ATP8B4: variants seen among roughly 807,000 people sequenced by gnomAD.
The protein encoded by ATP8B4 is ATPase phospholipid transporting 8B4 (putative).
ATP8B4 carries 133 observed loss-of-function variants against 145.6 expected under a neutral mutation model. That is an observed-to-expected ratio of 0.91 (90% CI 0.79 to 1.05). The LOEUF is 1.05. Ranked by LOEUF, ATP8B4 falls within the 50% of genes least tolerant of loss-of-function variation. The pLI is 0.00. For missense variants in ATP8B4, 1,458 were observed against 1,425.2 expected, an observed-to-expected ratio of 1.02 and a Z score of -0.37; for synonymous variants, 507 against 492.9, an observed-to-expected ratio of 1.03 and a Z score of -0.38.
chr15:49,963,231 C>T (rs1404501071), intron 13 of ATP8B4, among the ~76,000 whole-genome samples: 3 of 152,148 alleles, frequency 2.0e-5, no homozygotes, highest in African/African-American at 4.8e-5. Context: ...AACCACCTCA[C>T]GCCAGTCAGA....
At chr15:49,962,311 A>G (rs2044155074) in intron 13 of ATP8B4, among the ~76,000 whole-genome samples, 1 of 152,238 alleles carries the variant, frequency 6.6e-6, no homozygotes. Flanking sequence ...TTATTACATT[A>G]TCTATGATAT....
At chr15:49,879,350 G>A (rs1598863812) in intron 24 of ATP8B4, 26 bp downstream of exon 24, 10 of 1,575,830 alleles carry the variant, frequency 6.3e-6, no homozygotes, top group Non-Finnish European at 6.9e-6. Flanking sequence ...GAGAAACTAA[G>A]TTATAAAGAT....
intron 12 of ATP8B4, among the ~76,000 whole-genome samples, chr15:49,977,641 T>A (rs1470342687): frequency 1.3e-5 from 2 of 151,972 alleles, no homozygotes; most frequent in African/African-American, 4.8e-5. Flanking sequence ...TATAAAAGGC[T>A]AAAAAAAGAG....
chr15:50,070,489 T>C (rs904664703), intron 3 of ATP8B4, among the ~76,000 whole-genome samples: 107 of 152,198 alleles, frequency 7.0e-4, no homozygotes. Context: ...CACAGTTCAC[T>C]GCATGGCCAG....
At chr15:50,111,519 C>G (rs1306153893) in intron 1 of ATP8B4, among the ~76,000 whole-genome samples, 1 of 152,188 alleles carries the variant, frequency 6.6e-6, no homozygotes. Context: ...ACAAATGGCC[C>G]ACTCTGGCCA....
chr15:49,980,454 G>T (rs528960389), intron 11 of ATP8B4, among the ~76,000 whole-genome samples: 1 of 152,188 alleles, frequency 6.6e-6, no homozygotes, highest in Middle Eastern at 3.4e-3. Flanking sequence ...ACAAAGACTA[G>T]ATAGTATATC....
At chr15:49,884,395 G>C (rs1055713411) in intron 23 of ATP8B4, among the ~76,000 whole-genome samples, 2 of 152,004 alleles carry the variant, frequency 1.3e-5, no homozygotes, top group African/African-American at 2.4e-5. Context: ...GAGCTCAGGA[G>C]TTCAAGACCA....
chr15:50,036,625 C>T (rs1037234419), intron 6 of ATP8B4, among the ~76,000 whole-genome samples: 1 of 152,168 alleles, frequency 6.6e-6, no homozygotes, highest in Middle Eastern at 3.2e-3. Context: ...TGGGATTTAG[C>T]AAAATTTAAC....
At chr15:50,044,962 T>C (rs2051606014) in intron 4 of ATP8B4, among the ~76,000 whole-genome samples, 1 of 152,224 alleles carries the variant, frequency 6.6e-6, no homozygotes, top group African/African-American at 2.4e-5. Context: ...GATCACTTTC[T>C]CCAATATGTT....
chr15:49,907,986 C>A (rs1163356360), intron 20 of ATP8B4: 1 of 453,934 alleles, frequency 2.2e-6, no homozygotes, highest in East Asian at 7.0e-5. Context: ...CCTCTGGGAC[C>A]AAGCTGCCTA....
At chr15:50,043,112 G>A (rs1469021802) in intron 5 of ATP8B4, among the ~76,000 whole-genome samples, 1 of 152,208 alleles carries the variant, frequency 6.6e-6, no homozygotes, top group Non-Finnish European at 1.5e-5. Context: ...ATGGGTGTGA[G>A]CTCAGAGGAG....
At position 50,029,406 on chromosome 15, in the gene ATP8B4, T is replaced by A. The variant is rs552064745; in HGVS notation, c.362+9362A>T. On this transcript the variant is annotated intron_variant, in intron 6 of 27. Coordinates refer to ENST00000284509, the MANE Select transcript of ATP8B4 (RefSeq NM_024837.4). ...CCTAGCTTCTGATAGCTTCAAGCAT[T>A]CCTTGGCTTGGGGCTATGTAATTCC... Among the ~76,000 whole-genome samples the A allele has an allele frequency of 1.2e-3, 184 of 152,176 alleles. 2 individuals are homozygous for A. Among genetic ancestry groups the A allele is most frequent in the South Asian group, 1.0e-3 (5 of 4,812 alleles).
At chr15:49,885,482 C>T (rs1038657944) in intron 23 of ATP8B4, among the ~76,000 whole-genome samples, 29 of 152,224 alleles carry the variant, frequency 1.9e-4, no homozygotes, top group African/African-American at 6.5e-4. Flanking sequence ...ATTTTAATGC[C>T]CAGAGCAGGA....
chr15:50,086,653 AAAT>A (rs1480196986), intron 2 of ATP8B4, among the ~76,000 whole-genome samples: 5 of 113,698 alleles, frequency 4.4e-5, no homozygotes, highest in East Asian at 2.4e-4. Flanking sequence ...ATATATAATA[AAAT>A]AATAGAGATC....
At chr15:50,069,352 C>T (rs2153630641) in intron 3 of ATP8B4, among the ~76,000 whole-genome samples, 1 of 152,216 alleles carries the variant, frequency 6.6e-6, no homozygotes, top group South Asian at 2.1e-4. Context: ...GTGCGATGTC[C>T]TATAATGTGA....
At position 50,042,548 on chromosome 15, in the gene ATP8B4, C is replaced by G. The variant is rs1273057956; in HGVS notation, c.300+2046G>C. ...CTAGCTACTGAAGTTCATCTTCCCC[C>G]CTTAAAGAACCAAAGCACTTTGGTT... On this transcript the variant is annotated intron_variant, in intron 5 of 27. Coordinates refer to ENST00000284509, the MANE Select transcript of ATP8B4 (RefSeq NM_024837.4). Among the ~76,000 whole-genome samples the G allele has an allele frequency of 2.6e-5, 4 of 152,152 alleles. No individual in the cohort carries two copies. In the East Asian group the frequency reaches 7.7e-4, roughly 29 times the overall value.
intron 2 of ATP8B4, among the ~76,000 whole-genome samples, chr15:50,090,346 T>C (rs1328721318): frequency 6.6e-6 from 1 of 152,180 alleles, no homozygotes. Flanking sequence ...ATCCTGCACA[T>C]GTATCCCAGA....
At chr15:50,089,072 C>T (rs1482465787) in intron 2 of ATP8B4, among the ~76,000 whole-genome samples, 4 of 152,080 alleles carry the variant, frequency 2.6e-5, no homozygotes, top group Non-Finnish European at 5.9e-5. Flanking sequence ...ACTGGCTAGC[C>T]ATATGCAGAA....
chr15:49,970,791 CA>C (rs2045040996), intron 13 of ATP8B4, among the ~76,000 whole-genome samples: 1 of 151,976 alleles, frequency 6.6e-6, no homozygotes, highest in Non-Finnish European at 1.5e-5. Flanking sequence ...CATATGGAAC[CA>C]AAAAAGAGCC....
Sources: gnomAD v4.1 joint callset for allele counts (sites outside exome capture counted in the v4.1 genomes callset) on GRCh38, gnomAD v4.1.1 for gene constraint, MANE v1.5 for transcripts, NCBI Gene and HGNC (gene_info 2026-07-23, HGNC 2026-07-21) for gene names.